The following LAMA2 variants were observed in gnomAD, a reference collection of about 807,000 sequenced individuals.
LAMA2 encodes laminin subunit alpha-2.
In LAMA2, 269 loss-of-function variants were observed where a neutral mutation model predicts 364.8. The ratio of observed to expected loss-of-function variants is 0.74; its 90% confidence interval spans 0.67 to 0.82. The LOEUF is 0.82. Among genes scored for constraint, LAMA2 ranks in the 40% least tolerant of loss-of-function variants. The pLI is 0.00. For missense variants in LAMA2, 3,807 were observed against 3,873.2 expected (o/e 0.98, Z 0.45); for synonymous variants, 1,379 against 1,370.6 (o/e 1.01, Z -0.14).
chr6:129,365,402 G>A (rs573679768), intron 32 of LAMA2, among the ~76,000 whole-genome samples: 18 of 151,904 alleles, frequency 1.2e-4, no homozygotes, highest in Non-Finnish European at 2.1e-4. Flanking sequence ...TCAGTCTGTC[G>A]CCCAGGCTGG....
Position 129,177,762 on chromosome 6 carries a change from C to T in LAMA2, c.1363C>T (p.Arg455Trp), listed in dbSNP as rs769731295. ...KTGFGGVSCD[R>W]CARGYTGYPD... ...TGGTTTTGGAGGTGTGAGCTGTGATCGGTGTGCCAGGGGCTACACTGGCTA... is the reference window on the plus strand; with the variant it reads ...TGGTTTTGGAGGTGTGAGCTGTGATTGGTGTGCCAGGGGCTACACTGGCTA... The change falls in exon 10 of 65, where the codon CGG becomes TGG. Residue 455 changes from arginine to tryptophan, a missense_variant. This residue lies in a region of LAMA2 where 3,333 missense variants were observed against 3,345.7 expected (regional missense o/e 1.00). Coordinates refer to ENST00000421865, the MANE Select transcript of LAMA2 (RefSeq NM_000426.4). The T allele has an allele frequency of 1.8e-5, 29 of 1,613,792 alleles. No homozygotes were observed. Among genetic ancestry groups the T allele is most frequent in the African/African-American group, 5.3e-5 (4 of 74,874 alleles).
At chr6:129,306,111 G>C (rs373023736) in intron 22 of LAMA2, among the ~76,000 whole-genome samples, 1 of 151,668 alleles carries the variant, frequency 6.6e-6, no homozygotes, top group African/African-American at 2.4e-5. Flanking sequence ...TTACGATTTT[G>C]ATTTCAATAG....
At chr6:128,968,906 A>T (rs1024293423) in intron 1 of LAMA2, among the ~76,000 whole-genome samples, 21 of 152,128 alleles carry the variant, frequency 1.4e-4, no homozygotes, top group African/African-American at 4.6e-4. Context: ...TGATTTTAAA[A>T]ATAATACTTT....
At chr6:128,983,827 G>T (rs1373210179) in intron 1 of LAMA2, among the ~76,000 whole-genome samples, 1 of 152,174 alleles carries the variant, frequency 6.6e-6, no homozygotes, top group East Asian at 1.9e-4. Flanking sequence ...AATGGTAATG[G>T]CCTGAAATGA....
intron 1 of LAMA2, among the ~76,000 whole-genome samples, chr6:128,904,569 C>G (rs1777300034): frequency 6.6e-6 from 1 of 151,760 alleles, no homozygotes; most frequent in South Asian, 2.1e-4. Context: ...ATTCTCCTGC[C>G]TCAGCCTCCT....
chr6:129,330,591 G>GTTTTTTTTTTTTTTTTTT (rs1491387157), intron 29 of LAMA2, among the ~76,000 whole-genome samples: 1 of 83,820 alleles, frequency 1.2e-5, no homozygotes. Context: ...GTTGTTGTTT[G>GTTTTTTTTTTTTTTTTTT]GTTTTTGTTT....
At chr6:129,081,478 T>C (rs771836167) in intron 3 of LAMA2, among the ~76,000 whole-genome samples, 39 of 152,374 alleles carry the variant, frequency 2.6e-4, no homozygotes, top group Middle Eastern at 6.8e-3. Context: ...TTTTGTATTA[T>C]TAAATGCTAT....
intron 22 of LAMA2, among the ~76,000 whole-genome samples, chr6:129,306,161 C>CT: frequency 6.6e-6 from 1 of 151,822 alleles, no homozygotes; most frequent in Non-Finnish European, 1.5e-5. Context: ...TCCTATAACT[C>CT]TTTTTCCTTG....
At chr6:129,334,403 A>G (rs575902384) in intron 29 of LAMA2, among the ~76,000 whole-genome samples, 9 of 152,334 alleles carry the variant, frequency 5.9e-5, no homozygotes, top group African/African-American at 2.2e-4. Context: ...TAAGGATTTG[A>G]TGAAATACTC....
chr6:129,146,842 A>G, intron 5 of LAMA2, 117 bp from the exon 6 acceptor site: 2 of 759,404 alleles, frequency 2.6e-6, no homozygotes, highest in African/African-American at 1.7e-5. Context: ...AAGAAACACA[A>G]ATGTCCTTCA....
chr6:128,887,011 A>C (rs1776185970), intron 1 of LAMA2, among the ~76,000 whole-genome samples: 2 of 152,202 alleles, frequency 1.3e-5, no homozygotes, highest in Admixed American at 1.3e-4. Context: ...CTTGCATTTA[A>C]ATTTCTGAAT....
chr6:129,058,284 A>G (rs1217128945), intron 2 of LAMA2, among the ~76,000 whole-genome samples: 1 of 152,236 alleles, frequency 6.6e-6, no homozygotes, highest in Non-Finnish European at 1.5e-5. Flanking sequence ...TTGGCAGCCC[A>G]GGAGTAGTGG....
At chr6:129,330,317 T>C (rs892591958) in intron 29 of LAMA2, among the ~76,000 whole-genome samples, 2 of 152,034 alleles carry the variant, frequency 1.3e-5, no homozygotes, top group African/African-American at 4.8e-5. Flanking sequence ...GCCAAAAACA[T>C]TGGAGACGCT....
At chr6:129,335,914 G>T (rs1775931158) in intron 29 of LAMA2, among the ~76,000 whole-genome samples, 1 of 152,206 alleles carries the variant, frequency 6.6e-6, no homozygotes, top group South Asian at 2.1e-4. Flanking sequence ...ACAAGCTCAA[G>T]TGAATTATAT....
At chr6:129,390,130 A>G (rs1251168283) in intron 35 of LAMA2, among the ~76,000 whole-genome samples, 4 of 152,242 alleles carry the variant, frequency 2.6e-5, no homozygotes, top group African/African-American at 9.6e-5. Flanking sequence ...TATATTAGAC[A>G]TTGAAACTCA....
chr6:129,511,245 G>A (rs1360341562), intron 62 of LAMA2, among the ~76,000 whole-genome samples: 1 of 152,008 alleles, frequency 6.6e-6, no homozygotes, highest in African/African-American at 2.4e-5. Context: ...GTTTTCCAGC[G>A]ACCCAATCAC....
At chr6:128,962,271 G>T (rs772731876) in intron 1 of LAMA2, among the ~76,000 whole-genome samples, 3 of 149,666 alleles carry the variant, frequency 2.0e-5, no homozygotes, top group Non-Finnish European at 4.4e-5. Flanking sequence ...TTAAGTGTGT[G>T]TGTTCATGGT....
intron 18 of LAMA2, among the ~76,000 whole-genome samples, chr6:129,283,503 T>C (rs1788878741): frequency 6.6e-6 from 1 of 151,782 alleles, no homozygotes; most frequent in East Asian, 1.9e-4. Flanking sequence ...TCTTAAGCCC[T>C]CCCCGCTCCC....
intron 29 of LAMA2, among the ~76,000 whole-genome samples, chr6:129,331,644 T>C (rs1471345117): frequency 6.6e-6 from 1 of 151,992 alleles, no homozygotes; most frequent in Admixed American, 6.6e-5. Flanking sequence ...TCCTCCTTCT[T>C]ATATTGTCAC....
Sources: gnomAD v4.1 joint callset for allele counts (sites outside exome capture counted in the v4.1 genomes callset) on GRCh38, gnomAD v4.1.1 for gene constraint, gnomAD v4.1.1 regional missense constraint, MANE v1.5 for transcripts, NCBI Gene and HGNC (gene_info 2026-07-23, HGNC 2026-07-21) for gene names.